The following MGAT4C variants were observed in gnomAD, a reference collection of about 807,000 sequenced individuals.
MGAT4C encodes the protein alpha-1,3-mannosyl-glycoprotein 4-beta-N-acetylglucosaminyltransferase C.
In MGAT4C, 19 loss-of-function variants were observed where a neutral mutation model predicts 40.1. That is an observed-to-expected ratio of 0.47 (90% CI 0.33 to 0.70). MGAT4C has a LOEUF of 0.70. Ranked by LOEUF, MGAT4C falls within the 30% of genes least tolerant of loss-of-function variation. The probability of loss-of-function intolerance (pLI) is 0.02; values close to 1 mark genes in which losing one functional copy is unlikely to be tolerated. For missense variants in MGAT4C, 491 were observed against 563.2 expected (o/e 0.87, Z 1.30); for synonymous variants, 181 against 187.1 (o/e 0.97, Z 0.27).
intron 2 of MGAT4C, among the ~76,000 whole-genome samples, chr12:86,607,897 C>T (rs1052323097): frequency 3.9e-5 from 6 of 151,966 alleles, no homozygotes; most frequent in Admixed American, 3.9e-4. Context: ...TTTATGCCAT[C>T]ATTATTTGAT....
At chr12:86,496,332 C>T (rs1958234006) in intron 2 of MGAT4C, among the ~76,000 whole-genome samples, 1 of 151,852 alleles carries the variant, frequency 6.6e-6, no homozygotes, top group Non-Finnish European at 1.5e-5. Context: ...AATAGTTGTA[C>T]CCTAGTACTT....
rs566366079 is a variant in MGAT4C at position 86,658,710 on chromosome 12, AT to A, written c.-229+68498del. On this transcript the variant is annotated intron_variant, in intron 2 of 7. Transcript: ENST00000548651. ...ATCAAATGTCATTTTTTCAAAAAGTATTTTTTTTACCACTTGTGTTAAATTG... is the reference window on the plus strand; with the variant it reads ...ATCAAATGTCATTTTTTCAAAAAGTATTTTTTTACCACTTGTGTTAAATTG... Among the ~76,000 whole-genome samples the A allele has an allele frequency of 3.0e-3, 463 of 151,974 alleles. 2 individuals carry two copies. Among genetic ancestry groups the A allele is most frequent in the African/African-American group, 0.011 (440 of 41,480 alleles).
At chr12:86,178,188 G>A (rs888737006) in intron 1 of MGAT4C, among the ~76,000 whole-genome samples, 5 of 152,088 alleles carry the variant, frequency 3.3e-5, no homozygotes, top group African/African-American at 7.2e-5. Context: ...CGCCCGCCTT[G>A]GCCTCCCAAA....
At chr12:86,366,669 T>C (rs1297645586) in intron 3 of MGAT4C, among the ~76,000 whole-genome samples, 1 of 152,118 alleles carries the variant, frequency 6.6e-6, no homozygotes, top group Non-Finnish European at 1.5e-5. Flanking sequence ...AACCTGAGCA[T>C]CACATAATAT....
chr12:85,996,398 A>G lies in MGAT4C; in HGVS notation c.-6-6846T>C, dbSNP rs534625659. Among the ~76,000 whole-genome samples, 3 of 152,338 alleles carry G rather than the reference A, an allele frequency of 2.0e-5. No homozygotes were observed. In the East Asian group the frequency reaches 5.8e-4, roughly 29 times the overall value. ...GAAAAGATACAACGGTAGAAATAAT[A>G]CAAATAAAGCACAGAGAGAGGGACA... On this transcript the variant is annotated intron_variant, in intron 2 of 4. Transcript: ENST00000611864.
chr12:86,760,168 G>A (rs1247731805), intron 1 of MGAT4C, among the ~76,000 whole-genome samples: 1 of 152,062 alleles, frequency 6.6e-6, no homozygotes, highest in Admixed American at 6.6e-5. Context: ...TCACAGTGGG[G>A]AAAAGACAGC....
intron 1 of MGAT4C, among the ~76,000 whole-genome samples, chr12:86,750,580 G>A (rs1220153308): frequency 6.6e-6 from 1 of 151,754 alleles, no homozygotes; most frequent in Admixed American, 6.6e-5. Flanking sequence ...CAATTCAAAC[G>A]AAAATATTAC....
At chr12:86,708,968 G>A (rs1164643447) in intron 2 of MGAT4C, among the ~76,000 whole-genome samples, 1 of 152,174 alleles carries the variant, frequency 6.6e-6, no homozygotes, top group Non-Finnish European at 1.5e-5. Context: ...GCTGAAATGA[G>A]TTAAGATTTG....
chr12:86,028,101 T>C, intron 2 of MGAT4C: 3 of 1,283,176 alleles, frequency 2.3e-6, no homozygotes, highest in South Asian at 2.5e-5. Context: ...TTCTAAATAA[T>C]ACCTTGCATC....
chr12:86,800,511 GAC>G, intron 1 of MGAT4C, among the ~76,000 whole-genome samples: 1 of 151,980 alleles, frequency 6.6e-6, no homozygotes, highest in Non-Finnish European at 1.5e-5. Context: ...TATAGGAAAA[GAC>G]AATGAAATAC....
chr12:86,837,856 T>G (rs1953069496), intron 1 of MGAT4C, among the ~76,000 whole-genome samples: 1 of 152,168 alleles, frequency 6.6e-6, no homozygotes, highest in Admixed American at 6.6e-5. Flanking sequence ...TCACCTTTGC[T>G]GTTCTAAGAT....
intron 4 of MGAT4C, among the ~76,000 whole-genome samples, chr12:86,320,239 C>A (rs1181697668): frequency 1.3e-5 from 2 of 152,090 alleles, no homozygotes; most frequent in East Asian, 3.9e-4. Flanking sequence ...TGGCTTAATT[C>A]ATCTTTTACA....
chr12:86,487,022 G>T (rs1227576820), intron 2 of MGAT4C, among the ~76,000 whole-genome samples: 4 of 152,144 alleles, frequency 2.6e-5, no homozygotes, highest in Non-Finnish European at 4.4e-5. Context: ...CAAGAGACTG[G>T]TGTATAAACT....
intron 2 of MGAT4C, among the ~76,000 whole-genome samples, chr12:86,705,523 T>A (rs1429463339): frequency 6.6e-6 from 1 of 151,594 alleles, no homozygotes; most frequent in Non-Finnish European, 1.5e-5. Context: ...AGAAAAAAAA[T>A]GGATCCCAGG....
intron 2 of MGAT4C, among the ~76,000 whole-genome samples, chr12:86,658,058 C>G (rs1009741782): frequency 6.6e-6 from 1 of 151,870 alleles, no homozygotes; most frequent in Non-Finnish European, 1.5e-5. Flanking sequence ...TTAATGATCA[C>G]AACAATTAAT....
At chr12:86,094,389 A>T (rs1035010831) in intron 1 of MGAT4C, among the ~76,000 whole-genome samples, 1 of 152,178 alleles carries the variant, frequency 6.6e-6, no homozygotes, top group African/African-American at 2.4e-5. Context: ...ATTATCCCCA[A>T]TTGAAAGTAA....
At chr12:86,790,538 T>C (rs1952004917) in intron 1 of MGAT4C, among the ~76,000 whole-genome samples, 1 of 152,180 alleles carries the variant, frequency 6.6e-6, no homozygotes, top group African/African-American at 2.4e-5. Flanking sequence ...GATATGAGAA[T>C]CTATTTTCTA....
intron 2 of MGAT4C, among the ~76,000 whole-genome samples, chr12:86,700,174 CAGACAGATAGATAGATAGAT>C (rs1433740519): frequency 0.011 from 1,502 of 140,840 alleles, 29 homozygotes; most frequent in African/African-American, 0.038. Flanking sequence ...GACAGACAGA[CAGACAGATAGATAGATAGAT>C]AGATAGATAG....
intron 1 of MGAT4C, among the ~76,000 whole-genome samples, chr12:86,056,519 T>C (rs1426040533): frequency 6.6e-6 from 1 of 152,176 alleles, no homozygotes; most frequent in Non-Finnish European, 1.5e-5. Context: ...TTGCTCAGAA[T>C]GATGGTTTCC....
Sources: gnomAD v4.1 joint callset for allele counts (sites outside exome capture counted in the v4.1 genomes callset) on GRCh38, gnomAD v4.1.1 for gene constraint, MANE v1.5 for transcripts, NCBI Gene and HGNC (gene_info 2026-07-23, HGNC 2026-07-21) for gene names.